Variants in PLEC observed in about 807,000 individuals in gnomAD.
PLEC encodes the protein plectin.
Under a neutral mutation model 392.8 loss-of-function variants are expected in PLEC, and 216 were observed. The observed-to-expected ratio is 0.55, with a 90% CI of 0.49 to 0.62. The LOEUF (loss-of-function observed/expected upper bound fraction) is 0.62, where lower values mean the gene tolerates loss of function less well. Ranked by LOEUF, PLEC falls within the 20% of genes least tolerant of loss-of-function variation. PLEC has a pLI of 0.00. For missense variants in PLEC, 6,863 were observed against 6,563.4 expected (o/e 1.05, Z -1.58); for synonymous variants, 3,621 against 2,980.6 (o/e 1.21, Z -7.00).
intron 30 of PLEC, 67 bp from the exon 31 acceptor site, chr8:143,925,951 C>A: frequency 3.4e-6 from 5 of 1,457,624 alleles, no homozygotes; most frequent in Non-Finnish European, 4.6e-6. Context: ...GCTGACGGGG[C>A]ACGCACCGGC....
Position 143,935,270 on chromosome 8 carries a change from G to C in PLEC, c.646C>G (p.Leu216Val), listed in dbSNP as rs781830706. ...DMNKVYRQTN[L>V]ENLDQAFSVA... ...GAGAAGGCCTGGTCCAGGTTCTCCA[G>C]GTTGGTCTGCCGGTACACCTTGTTC... is the stretch of plus-strand genomic sequence containing the variant. The change falls in exon 7 of 32, where the codon CTG (leucine) becomes GTG (valine). Residue 216 changes from leucine (L) to valine (V), a missense_variant. By Grantham distance (32) the Leu-to-Val change is conservative. Transcript: ENST00000345136. 1 of 1,610,882 alleles carries C rather than the reference G, an allele frequency of 6.2e-7. No homozygotes were observed. The highest frequency in any genetic ancestry group is 1.1e-5 in the South Asian group (1 of 91,074).
In PLEC at chr8:143,919,543, C is replaced by A. The variant is rs781804476; in HGVS notation, c.10278G>T (p.Leu3426=). 6.2e-7 allele frequency: 1 copy of A among 1,610,442 alleles called. No homozygotes were observed. The highest frequency in any genetic ancestry group is 1.7e-5 in the Admixed American group (1 of 59,996). ...GVVGPELHEQ[L]LSAEKAVTGY... ...CGGTGACGGCCTTCTCGGCAGACAG[C>A]AGCTGCTCGTGAAGCTCGGGGCCCA... Residue 3426 remains leucine, a synonymous_variant, in exon 32 of 32, where the codon CTG becomes CTT. Transcript: ENST00000345136.
intron 1 of PLEC, among the ~76,000 whole-genome samples, chr8:143,947,299 G>A (rs781849822): frequency 1.3e-4 from 20 of 152,230 alleles, no homozygotes; most frequent in Non-Finnish European, 2.4e-4. Context: ...CCTTTGCTGT[G>A]GGAAGCAGCT....
chr8:143,929,380 G>A (rs1408899685), intron 24 of PLEC, 34 bp downstream of exon 24: 143 of 1,566,964 alleles, frequency 9.1e-5, no homozygotes, highest in Non-Finnish European at 1.2e-4. Context: ...GATGGGGAGA[G>A]GGATGGGACT....
chr8:143,926,022 A>C, intron 30 of PLEC, 138 bp from the exon 31 acceptor site: 1 of 1,018,298 alleles, frequency 9.8e-7, no homozygotes, highest in East Asian at 2.6e-5. Flanking sequence ...AGCCCGGCGG[A>C]GGAGACAGCG....
At chr8:143,967,234 G>A (rs1344788299) in intron 1 of PLEC, among the ~76,000 whole-genome samples, 1 of 151,692 alleles carries the variant, frequency 6.6e-6, no homozygotes, top group Non-Finnish European at 1.5e-5. Flanking sequence ...ATGGTGGCGG[G>A]CGCCTGTAGT....
upstream of PLEC, among the ~76,000 whole-genome samples, chr8:143,973,718 C>G (rs1833557392): frequency 1.3e-5 from 2 of 151,366 alleles, no homozygotes; most frequent in South Asian, 2.1e-4. This position sits in a 1 kb window ranked among gnomAD's most constrained non-coding sequence, Gnocchi z 5.6. Flanking sequence ...CGCCCTTTCC[C>G]GTTCTCGCCC....
At position 143,932,076 on chromosome 8, in the gene PLEC, TG is replaced by T. The variant is rs1564122177; in HGVS notation, c.2083-45del. ...CGGTCAGGCCCCGCCCCGCCCCGCC[TG>T]GGGACCCGGCACGGCCCCCCCCGCA... On this transcript the variant is annotated intron_variant, in intron 17 of 31. Coordinates refer to ENST00000345136, the MANE Select transcript of PLEC (RefSeq NM_201384.3). 3.2e-6 allele frequency: 5 copies of T among 1,551,686 alleles called. No individual in the cohort carries two copies. The East Asian group carries it at 1.2e-4, about 36-fold the overall frequency.
rs781880129 is a variant in PLEC at position 143,917,604 on chromosome 8, C to T, written c.12217G>A (p.Asp4073Asn). ...GTCAGGATCTCGTTCATCTCCTCAT[C>T]GAAGAGGCCGCGCTTGTAGGCCACC... ...VEVAYKRGLF[D>N]EEMNEILTDP... The change falls in exon 32 of 32, where the codon GAT (aspartate) becomes AAT (asparagine). Residue 4073 changes from aspartate to asparagine, a missense_variant. Coordinates refer to ENST00000345136, the MANE Select transcript of PLEC (RefSeq NM_201384.3). The T allele has an allele frequency of 1.9e-5, 31 of 1,613,688 alleles. No homozygotes were observed. The highest frequency in any genetic ancestry group is 2.7e-5 in the African/African-American group (2 of 74,928).
Position 143,925,129 on chromosome 8 carries a change from G to GT in PLEC, c.4799dup (p.His1600GlnfsTer12). 1 of 1,558,776 alleles carries GT rather than the reference G, an allele frequency of 6.4e-7. No homozygotes were observed. The highest frequency in any genetic ancestry group is 1.2e-5 in the South Asian group (1 of 86,104). On this transcript the variant is annotated frameshift_variant, in exon 31 of 32. Coordinates refer to ENST00000345136, the MANE Select transcript of PLEC (RefSeq NM_201384.3). LOFTEE classifies it high-confidence loss of function. ...CCTCCCGCAGCTGTGCCACAGCCAC[G>GT]TGTTCCTCCTGCAGGGAGCGCTCCA...
In PLEC at chr8:143,916,018, T is replaced by G. The variant is rs1021433083; in HGVS notation, c.*159A>C. On this transcript the variant is annotated 3_prime_UTR_variant, in exon 32 of 32. Coordinates refer to ENST00000345136, the MANE Select transcript of PLEC (RefSeq NM_201384.3). ...GCCCTGTCCCCCAAGATACAGGCTG[T>G]CTGGACAGCAGATATATATTAATAT... 1 of 548,418 alleles carries G rather than the reference T, an allele frequency of 1.8e-6. No individual in the cohort carries two copies. The highest frequency in any genetic ancestry group is 3.1e-6 in the Non-Finnish European group (1 of 319,934). The allele number at this position is 548,418 out of a possible 1,614,324, so 34.0% of individuals were successfully genotyped here.
upstream of PLEC, chr8:143,953,842 C>T (rs559253497): frequency 1.3e-6 from 2 of 1,594,986 alleles, no homozygotes; most frequent in South Asian, 1.1e-5. Flanking sequence ...ACTGCCCAGG[C>T]CAGCGCCGCA....
chr8:143,922,625 T>C lies in PLEC; in HGVS notation c.7304A>G (p.Glu2435Gly), dbSNP rs1432807941. ...QEKVTLVQTL[E>G]IQRQQSDHDA... is the part of the protein sequence containing the mutation. ...ATGGTCACTCTGCTGTCGCTGGATC[T>C]CCAGTGTCTGCACCAGGGTCACCTT... is the stretch of plus-strand genomic sequence containing the variant. Residue 2435 changes from glutamate (E) to glycine (G), a missense_variant, in exon 31 of 32, where the codon GAG becomes GGG. By Grantham distance (98) the Glu-to-Gly change is moderately conservative. Transcript: ENST00000345136. 1.2e-6 allele frequency: 2 copies of C among 1,613,526 alleles called. No individual in the cohort carries two copies. The highest frequency in any genetic ancestry group is 2.7e-5 in the African/African-American group (2 of 74,932).
At position 143,920,492 on chromosome 8, in the gene PLEC, G is replaced by C; in HGVS notation, c.9329C>G (p.Thr3110Arg). The change falls in exon 32 of 32, where the codon ACA becomes AGA. Residue 3110 changes from threonine (T) to arginine (R), a missense_variant. Physicochemically the swap from Thr to Arg is moderately conservative, Grantham distance 71. Coordinates refer to ENST00000345136, the MANE Select transcript of PLEC (RefSeq NM_201384.3). ...CTGGAACAGGGAGACGCTCTGCCCT[G>C]TGTAGGGGTCCCTGTACCCTGTCAC... is the stretch of plus-strand genomic sequence containing the variant. ...KAVTGYRDPY[T>R]GQSVSLFQAL... 1 of 1,609,332 alleles carries C rather than the reference G, an allele frequency of 6.2e-7. No homozygotes were observed. Among genetic ancestry groups the C allele is most frequent in the Non-Finnish European group, 8.5e-7 (1 of 1,178,618 alleles).
At position 143,923,436 on chromosome 8, in the gene PLEC, C is replaced by T. The variant is rs371119003; in HGVS notation, c.6493G>A (p.Ala2165Thr). Residue 2165 changes from alanine to threonine, a missense_variant, in exon 31 of 32, where the codon GCG becomes ACG. Coordinates refer to ENST00000345136, the MANE Select transcript of PLEC (RefSeq NM_201384.3). The stretch of plus-strand genomic sequence containing the variant: ...AATTTCTTATGCTTCTCCATCTCCG[C>T]GTCAGCTGCCTGCTTCTGCCGCAGG... The part of the protein sequence containing the change: ...AALRQKQAAD[A>T]EMEKHKKFAE... 1.7e-4 allele frequency: 267 copies of T among 1,609,494 alleles called. No homozygotes were observed. Among genetic ancestry groups the T allele is most frequent in the Non-Finnish European group, 2.0e-4 (233 of 1,179,800 alleles).
rs369142466 is a variant in PLEC, at chr8:143,924,206, C to G, written c.5723G>C (p.Arg1908Pro). 3.1e-6 allele frequency: 5 copies of G among 1,598,830 alleles called. No individual in the cohort carries two copies. The highest frequency in any genetic ancestry group is 4.2e-6 in the Non-Finnish European group (5 of 1,179,538). Residue 1908 changes from arginine to proline, a missense_variant, in exon 31 of 32, where the codon CGG becomes CCG. Physicochemically the swap from Arg to Pro is moderately radical, Grantham distance 103. Coordinates refer to ENST00000345136, the MANE Select transcript of PLEC (RefSeq NM_201384.3). ...LRKASDSELE[R>P]QKGLVEDTLR... ...CGTGTCCTCCACCAGCCCCTTCTGC[C>G]GCTCCAGCTCGCTGTCCGATGCCTT... is the stretch of plus-strand genomic sequence containing the variant.
intron 6 of PLEC, 141 bp from the exon 7 acceptor site, chr8:143,935,454 A>G (rs1303278591): frequency 1.1e-5 from 8 of 709,020 alleles, no homozygotes; most frequent in African/African-American, 8.7e-5. Context: ...ACACTGTCAC[A>G]TGGGCAGAGC....
At chr8:143,965,651 C>T (rs1833051531) in intron 1 of PLEC, among the ~76,000 whole-genome samples, 1 of 152,202 alleles carries the variant, frequency 6.6e-6, no homozygotes, top group Admixed American at 6.5e-5. Context: ...GGCCCCTCTG[C>T]TGCCAGCTCC....
rs1554675466 is a variant in PLEC, at chr8:143,918,502, G to A, written c.11319C>T (p.Asp3773=). The A allele has an allele frequency of 3.7e-6, 6 of 1,604,436 alleles. No individual in the cohort carries two copies. The highest frequency in any genetic ancestry group is 3.3e-4 in the Middle Eastern group (2 of 6,070). ...GCGAGATGGTCTGCTCGGTGTAGGG[G>A]TCACGGTAGCCGGTGACCGCCCGCT... ...SAERAVTGYR[D]PYTEQTISLF... The change falls in exon 32 of 32, where the codon GAC becomes GAT. Residue 3773 remains aspartate (D), a synonymous_variant. Coordinates refer to ENST00000345136, the MANE Select transcript of PLEC (RefSeq NM_201384.3).
Sources: gnomAD v4.1 joint callset for allele counts (sites outside exome capture counted in the v4.1 genomes callset) on GRCh38, gnomAD v4.1.1 for gene constraint, Gnocchi (gnomAD v3.1) non-coding constraint, MANE v1.5 for transcripts, NCBI Gene and HGNC (gene_info 2026-07-23, HGNC 2026-07-21) for gene names.